The following SPAG9 variants were observed in gnomAD, a reference collection of about 807,000 sequenced individuals.
The protein encoded by SPAG9 is C-Jun-amino-terminal kinase-interacting protein 4.
SPAG9 carries 35 observed loss-of-function variants against 166.5 expected under a neutral mutation model. The ratio of observed to expected loss-of-function variants is 0.21; its 90% CI spans 0.16 to 0.28. SPAG9 has a LOEUF of 0.28. SPAG9 is among the 10% of genes least tolerant of loss of function. The probability of loss-of-function intolerance (pLI) is 1.00; values close to 1 mark genes in which losing one functional copy is unlikely to be tolerated. For synonymous variants in SPAG9, 534 were observed against 565.5 expected (o/e 0.94, Z 0.79); for missense variants, 1,235 against 1,603.3 (o/e 0.77, Z 3.92).
intron 4 of SPAG9, among the ~76,000 whole-genome samples, chr17:51,045,381 T>C (rs1261642207): frequency 6.6e-6 from 1 of 152,140 alleles, no homozygotes; most frequent in Non-Finnish European, 1.5e-5. Context: ...TACTAATATA[T>C]ATACAAGTAG....
intron 3 of SPAG9, among the ~76,000 whole-genome samples, chr17:51,055,739 T>C (rs1290379351): frequency 3.9e-5 from 6 of 152,280 alleles, no homozygotes; most frequent in Admixed American, 2.6e-4. Context: ...TATCTGGGTA[T>C]GTGAAACCCA....
intron 9 of SPAG9, among the ~76,000 whole-genome samples, chr17:51,008,593 A>AAT (rs2045324245): frequency 6.6e-6 from 1 of 152,160 alleles, no homozygotes; most frequent in Admixed American, 6.5e-5. Flanking sequence ...AAATTACTTA[A>AAT]AACAAAAACA....
intron 4 of SPAG9, among the ~76,000 whole-genome samples, chr17:51,043,392 C>A (rs754002634): frequency 1.3e-5 from 2 of 152,044 alleles, no homozygotes; most frequent in Admixed American, 1.3e-4. Flanking sequence ...TAATATAGTA[C>A]CTATTGTACA....
intron 8 of SPAG9, among the ~76,000 whole-genome samples, chr17:51,015,931 T>G (rs959052506): frequency 4.6e-5 from 7 of 152,032 alleles, no homozygotes; most frequent in African/African-American, 1.7e-4. Flanking sequence ...ATGAAAAGAC[T>G]TACTTCATAT....
intron 2 of SPAG9, among the ~76,000 whole-genome samples, chr17:51,070,430 C>T (rs1266307800): frequency 6.6e-6 from 1 of 152,146 alleles, no homozygotes; most frequent in African/African-American, 2.4e-5. Flanking sequence ...TGCCAAAAAG[C>T]ACTAAAATTC....
At position 50,982,661 on chromosome 17, in the gene SPAG9, C is replaced by T; in HGVS notation, c.3100G>A (p.Asp1034Asn). Reference protein sequence around the residue: ...IFHRGVDGQWDLSNYHLLDLG... With the variant: ...IFHRGVDGQWNLSNYHLLDLG... ...TCTAAGAGGTGATAGTTTGACAAAT[C>T]CCACTGCCCATCTTTAAAAAAAATA... is the stretch of plus-strand genomic sequence containing the variant. Residue 1034 changes from aspartate (D) to asparagine (N), a missense_variant, in exon 25 of 30, where the codon GAT becomes AAT. Asp to Asn is a conservative substitution (Grantham distance 23, BLOSUM62 1). Transcript: ENST00000262013. 1 of 1,605,092 alleles carries T rather than the reference C, an allele frequency of 6.2e-7. No individual in the cohort carries two copies. The highest frequency in any genetic ancestry group is 8.5e-7 in the Non-Finnish European group (1 of 1,177,860).
At chr17:51,005,035 A>C (rs1224401230) in intron 12 of SPAG9, among the ~76,000 whole-genome samples, 177 bp downstream of exon 12, 1 of 152,226 alleles carries the variant, frequency 6.6e-6, no homozygotes, top group Non-Finnish European at 1.5e-5. Flanking sequence ...ATGGAGCTAG[A>C]AAGCTCAGCA....
intron 1 of SPAG9, chr17:51,083,992 TG>T (rs2144658182): frequency 6.6e-6 from 1 of 152,246 alleles, no homozygotes; most frequent in African/African-American, 2.4e-5. Context: ...ATCAAGTCAC[TG>T]TTTATTTTTC....
chr17:51,108,165 T>G (rs1460750265), intron 1 of SPAG9, among the ~76,000 whole-genome samples: 1 of 150,918 alleles, frequency 6.6e-6, no homozygotes, highest in Non-Finnish European at 1.5e-5. Flanking sequence ...GGCAGGCAGG[T>G]CACCTGAGGT....
rs1172620574 is a variant in SPAG9 at position 50,962,984 on chromosome 17, G to A, written c.*3288C>T. ...AAAATTTAGATCCACATGGGTTAGA[G>A]AAAAATACTCTCAAAAGTGAGTTCC... On this transcript the variant is annotated 3_prime_UTR_variant, in exon 30 of 30. Coordinates refer to ENST00000262013, the MANE Select transcript of SPAG9 (RefSeq NM_001130528.3). 1.3e-5 allele frequency: 2 copies of A among 152,180 alleles called. No individual in the cohort carries two copies. The highest frequency in any genetic ancestry group is 1.3e-4 in the Admixed American group (2 of 15,274). 9.4% of individuals were successfully genotyped at this position (152,180 alleles called of 1,614,324 possible). A position where few individuals can be genotyped will look rare whatever the true frequency, so the allele number is the denominator to read the frequency against.
At chr17:51,012,407 T>C (rs1484890144) in intron 9 of SPAG9, among the ~76,000 whole-genome samples, 1 of 151,768 alleles carries the variant, frequency 6.6e-6, no homozygotes, top group African/African-American at 2.4e-5. Flanking sequence ...CCATCTCTAC[T>C]AAAAATACAA....
At chr17:51,017,583 C>T (rs2045756178) in intron 8 of SPAG9, among the ~76,000 whole-genome samples, 1 of 151,846 alleles carries the variant, frequency 6.6e-6, no homozygotes, top group Non-Finnish European at 1.5e-5. Flanking sequence ...CCCAAGTCCA[C>T]CTCTTGCTAG....
intron 2 of SPAG9, among the ~76,000 whole-genome samples, chr17:51,075,395 T>C (rs2047942841): frequency 6.6e-6 from 1 of 152,054 alleles, no homozygotes; most frequent in African/African-American, 2.4e-5. Context: ...GCTTCTTTTT[T>C]GAGTGTGAGA....
chr17:51,033,423 T>C (rs1023123864), intron 5 of SPAG9, among the ~76,000 whole-genome samples: 7 of 152,034 alleles, frequency 4.6e-5, no homozygotes, highest in African/African-American at 1.7e-4. Context: ...ACATCAACTA[T>C]TTACAATGAC....
At position 50,966,081 on chromosome 17, in the gene SPAG9, T is replaced by C. The variant is rs1295456451; in HGVS notation, c.*191A>G. 1 of 569,988 alleles carries C rather than the reference T, an allele frequency of 1.8e-6. No individual in the cohort carries two copies. The highest frequency in any genetic ancestry group is 1.9e-5 in the African/African-American group (1 of 53,314). 35.3% of individuals were successfully genotyped at this position (569,988 alleles called of 1,614,324 possible). A position where few individuals can be genotyped will look rare whatever the true frequency, so the allele number is the denominator to read the frequency against. ...ATACTGAAGTTACCTATAACACTGG[T>C]GCAGTAACACAGCTAGTTCCTCTGT... On this transcript the variant is annotated 3_prime_UTR_variant, in exon 30 of 30. Coordinates refer to ENST00000262013, the MANE Select transcript of SPAG9 (RefSeq NM_001130528.3).
chr17:51,046,699 G>A (rs1037933744), intron 4 of SPAG9: 189 of 1,535,824 alleles, frequency 1.2e-4, no homozygotes, highest in Non-Finnish European at 1.6e-4. Flanking sequence ...GAACCAAGGA[G>A]GCCTACACGG....
At chr17:51,106,022 T>C (rs1242503254) in intron 1 of SPAG9, among the ~76,000 whole-genome samples, 2 of 151,682 alleles carry the variant, frequency 1.3e-5, no homozygotes, top group African/African-American at 4.8e-5. Flanking sequence ...ACCAGCACTT[T>C]GGGAAGCAGA....
At chr17:50,975,740 T>C (rs1974161479) in intron 27 of SPAG9, 1 of 675,568 alleles carries the variant, frequency 1.5e-6, no homozygotes, top group Non-Finnish European at 2.5e-6. Context: ...CCTGCTGCGA[T>C]GCAGTGACTG....
intron 1 of SPAG9, among the ~76,000 whole-genome samples, chr17:51,089,138 G>T (rs2048379508): frequency 6.8e-6 from 1 of 147,406 alleles, no homozygotes; most frequent in South Asian, 2.2e-4. Flanking sequence ...AAAAACAGAA[G>T]TTGGGCCAGG....
Sources: allele counts gnomAD v4.1 joint callset (sites outside exome capture counted in the v4.1 genomes callset), GRCh38; gene constraint gnomAD v4.1.1; transcripts MANE v1.5; gene names NCBI Gene and HGNC (gene_info 2026-07-23, HGNC 2026-07-21).